The following ZBTB46 variants were observed in gnomAD, a reference collection of about 807,000 sequenced individuals.
ZBTB46 encodes zinc finger and BTB domain-containing protein 46.
Under a neutral mutation model 44.1 loss-of-function variants are expected in ZBTB46, and 8 were observed. That is an observed-to-expected ratio of 0.18 (90% CI 0.11 to 0.33). The LOEUF is 0.33. Among genes scored for constraint, ZBTB46 ranks in the 10% least tolerant of loss-of-function variants. ZBTB46 has a pLI of 1.00. For missense variants in ZBTB46, 651 were observed against 847.7 expected (o/e 0.77, Z 2.88); for synonymous variants, 409 against 382.3 (o/e 1.07, Z -0.81).
At chr20:63,786,829 G>T (rs1365402441) in intron 2 of ZBTB46, among the ~76,000 whole-genome samples, 1 of 152,044 alleles carries the variant, frequency 6.6e-6, no homozygotes, top group Non-Finnish European at 1.5e-5. Context: ...TTTTGTATTA[G>T]AAATGGGATT....
intron 2 of ZBTB46, among the ~76,000 whole-genome samples, chr20:63,777,636 A>C (rs569063290): frequency 6.6e-6 from 1 of 152,316 alleles, no homozygotes; most frequent in South Asian, 2.1e-4. Context: ...TTCCACATGT[A>C]CGCATGCAGA....
chr20:63,762,835 A>T (rs1184836449), intron 3 of ZBTB46, among the ~76,000 whole-genome samples: 2 of 152,086 alleles, frequency 1.3e-5, no homozygotes, highest in Admixed American at 1.3e-4. Flanking sequence ...CTTTTTGGTT[A>T]GTGTTTGCTT....
rs2145828258 is a variant in ZBTB46, at chr20:63,767,758, C to T, written c.1222+7920G>A. 2 of 462,008 alleles carry T rather than the reference C, an allele frequency of 4.3e-6. No homozygotes were observed. Among genetic ancestry groups the T allele is most frequent in the South Asian group, 1.8e-4 (2 of 10,930 alleles). The allele number at this position is 462,008 out of a possible 1,614,324, so 28.6% of individuals were successfully genotyped here. A position where few individuals can be genotyped will look rare whatever the true frequency, so the allele number is the denominator to read the frequency against. ...GCCTCAGGGTAAAGCTGTCAGCGCC[C>T]AAGGAGCTCCAGGCGAGGCCAAGCC... On this transcript the variant is annotated intron_variant, in intron 3 of 4. Coordinates refer to ENST00000245663, the MANE Select transcript of ZBTB46 (RefSeq NM_001369741.1). This position sits in a 1 kb window ranked among gnomAD's most constrained non-coding sequence, Gnocchi z 5.0.
chr20:63,784,795 A>G (rs2092498837), intron 2 of ZBTB46, among the ~76,000 whole-genome samples: 1 of 152,262 alleles, frequency 6.6e-6, no homozygotes. Flanking sequence ...CTGCTCAGTT[A>G]GAATGAATTT....
chr20:63,790,811 G>A, intron 1 of ZBTB46, 21 bp from the exon 2 acceptor site: 1 of 1,514,174 alleles, frequency 6.6e-7, no homozygotes, highest in Non-Finnish European at 8.8e-7. Flanking sequence ...AAGAACAAGA[G>A]TTACCCAAGC....
At chr20:63,768,117 ATC>A in intron 3 of ZBTB46, 18 of 985,468 alleles carry the variant, frequency 1.8e-5, no homozygotes, top group Non-Finnish European at 2.2e-5. Flanking sequence ...GTCAACAGCC[ATC>A]TGGAAAGGAA....
chr20:63,774,355 T>C (rs900414818), intron 3 of ZBTB46, among the ~76,000 whole-genome samples: 3 of 152,194 alleles, frequency 2.0e-5, no homozygotes, highest in African/African-American at 7.2e-5. Context: ...AAAAATATTG[T>C]TTTTTAGAGC....
chr20:63,765,240 G>C (rs903164924), intron 3 of ZBTB46, among the ~76,000 whole-genome samples: 27 of 152,124 alleles, frequency 1.8e-4, no homozygotes, highest in African/African-American at 6.3e-4. Flanking sequence ...GGCTCCTCTG[G>C]CTGCCCCGAA....
intron 3 of ZBTB46, among the ~76,000 whole-genome samples, chr20:63,757,619 C>T (rs558856490): frequency 1.3e-4 from 20 of 152,286 alleles, no homozygotes; most frequent in African/African-American, 4.6e-4. Flanking sequence ...TCTGTCAGTC[C>T]TCCAGCTTTC....
At chr20:63,808,589 C>A (rs1337962940) in intron 1 of ZBTB46, among the ~76,000 whole-genome samples, 1 of 152,172 alleles carries the variant, frequency 6.6e-6, no homozygotes, top group African/African-American at 2.4e-5. Context: ...GACCTGAGCT[C>A]CTCCAGCGTG....
intron 3 of ZBTB46, among the ~76,000 whole-genome samples, chr20:63,765,310 G>C (rs907611551): frequency 6.6e-6 from 1 of 152,160 alleles, no homozygotes; most frequent in Non-Finnish European, 1.5e-5. Flanking sequence ...TCCAGGGTTT[G>C]GGAAATATGC....
At chr20:63,779,678 C>T (rs923822314) in intron 2 of ZBTB46, among the ~76,000 whole-genome samples, 16 of 151,980 alleles carry the variant, frequency 1.1e-4, no homozygotes, top group East Asian at 5.8e-4. Flanking sequence ...CCTCAGCCTC[C>T]GAGAGTGCTG....
upstream of ZBTB46, chr20:63,831,299 C>T (rs1389130382): frequency 9.0e-6 from 1 of 110,762 alleles, no homozygotes; most frequent in Non-Finnish European, 1.9e-5. Flanking sequence ...CGGCCCCCGC[C>T]GCCCGCGCGC....
At chr20:63,777,653 C>T (rs771881727) in intron 2 of ZBTB46, among the ~76,000 whole-genome samples, 4 of 152,144 alleles carry the variant, frequency 2.6e-5, no homozygotes, top group African/African-American at 7.2e-5. Flanking sequence ...CAGATACCCA[C>T]GAGAAATGAA....
chr20:63,803,569 C>CA lies in ZBTB46; in HGVS notation c.-33-12780_-33-12779insT. 1 of 976,722 alleles carries CA rather than the reference C, an allele frequency of 1.0e-6. No homozygotes were observed. The highest frequency in any genetic ancestry group is 1.2e-6 in the Non-Finnish European group (1 of 822,370). The allele number at this position is 976,722 out of a possible 1,614,324, so 60.5% of individuals were successfully genotyped here. A position where few individuals can be genotyped will look rare whatever the true frequency, so the allele number is the denominator to read the frequency against. On this transcript the variant is annotated intron_variant, in intron 1 of 4. Transcript: ENST00000245663. This position sits in a 1 kb window ranked among gnomAD's most constrained non-coding sequence, Gnocchi z 4.0. ...TGCCGGCCCCGGGCTGCCCAGGCCC[C>CA]GGGCTGCCCAGGTCTCTGTCGGAGG...
chr20:63,751,428 C>T (rs1344662941), intron 4 of ZBTB46, among the ~76,000 whole-genome samples: 2 of 152,154 alleles, frequency 1.3e-5, no homozygotes, highest in African/African-American at 4.8e-5. Flanking sequence ...AGGCGGCATC[C>T]GAGGGCCTGG....
intron 2 of ZBTB46, among the ~76,000 whole-genome samples, chr20:63,786,042 C>T (rs570027619): frequency 1.3e-3 from 197 of 152,366 alleles, no homozygotes; most frequent in African/African-American, 4.6e-3. Flanking sequence ...AGCACGGGCA[C>T]CTGCCAGCGA....
At chr20:63,811,624 A>G (rs951297657) in intron 1 of ZBTB46, among the ~76,000 whole-genome samples, 1 of 151,688 alleles carries the variant, frequency 6.6e-6, no homozygotes, top group African/African-American at 2.4e-5. Context: ...TGGGCCCAGC[A>G]GAGATCTGCA....
chr20:63,748,745 G>C (rs2315648), intron 4 of ZBTB46, among the ~76,000 whole-genome samples: 46,871 of 152,152 alleles, frequency 0.31, 7,730 homozygotes, highest in Admixed American at 0.39. Context: ...GCTGTCTCCC[G>C]GGGCCTGCAG....
Sources: gnomAD v4.1 joint callset for allele counts (sites outside exome capture counted in the v4.1 genomes callset) on GRCh38, gnomAD v4.1.1 for gene constraint, Gnocchi (gnomAD v3.1) non-coding constraint, MANE v1.5 for transcripts, NCBI Gene and HGNC (gene_info 2026-07-23, HGNC 2026-07-21) for gene names.